Variants in MICAL2 observed in about 807,000 individuals in gnomAD.
The protein encoded by MICAL2 is [F-actin]-monooxygenase MICAL2.
A neutral mutation model predicts 127.3 loss-of-function variants in MICAL2; 77 were observed. The observed-to-expected ratio is 0.60, with a 90% confidence interval of 0.50 to 0.73. MICAL2 has a LOEUF of 0.73. Among genes scored for constraint, MICAL2 ranks in the 30% least tolerant of loss-of-function variants. The pLI is 0.00. For missense variants in MICAL2, 1,351 were observed against 1,434.4 expected, an observed-to-expected ratio of 0.94 and a Z score of 0.94; for synonymous variants, 570 against 551.1, an observed-to-expected ratio of 1.03 and a Z score of -0.48.
intron 8 of MICAL2, among the ~76,000 whole-genome samples, chr11:12,218,487 TG>T (rs1856453028): frequency 6.6e-6 from 1 of 152,204 alleles, no homozygotes. Context: ...CGCCAGGCAC[TG>T]TCTTCACTGT....
In MICAL2 at chr11:12,110,975, C is replaced by T. The variant is rs1418624866; in HGVS notation, c.-149+249C>T. Among the ~76,000 whole-genome samples, 3 of 152,192 alleles carry T rather than the reference C, an allele frequency of 2.0e-5. No homozygotes were observed. Among genetic ancestry groups the T allele is most frequent in the East Asian group, 3.9e-4 (2 of 5,176 alleles). On this transcript the variant is annotated intron_variant, in intron 1 of 27. Coordinates refer to ENST00000683283, the MANE Select transcript of MICAL2 (RefSeq NM_001282663.2). This position sits in a 1 kb window ranked among gnomAD's most constrained non-coding sequence, Gnocchi z 4.5. ...GCAATAAAAGCCTCCCACCGGCACG[C>T]CGAACTACCTCTTACTCCGCTCCGC... is the stretch of plus-strand genomic sequence containing the variant.
intron 3 of MICAL2, among the ~76,000 whole-genome samples, chr11:12,182,095 T>G (rs7124014): frequency 0.031 from 4,663 of 152,330 alleles, 244 homozygotes; most frequent in African/African-American, 0.11. Context: ...ATTATTGAAA[T>G]TATTGTAAGG....
At chr11:12,340,855 A>G (rs1040650920) in intron 32 of MICAL2, among the ~76,000 whole-genome samples, 3 of 152,246 alleles carry the variant, frequency 2.0e-5, no homozygotes, top group Non-Finnish European at 2.9e-5. Flanking sequence ...GAATATACAG[A>G]TTAAAACAAA....
rs188670898 is a variant in MICAL2, at chr11:12,356,131, G to T, written c.5689+1274G>T. Among the ~76,000 whole-genome samples the T allele has an allele frequency of 3.3e-5, 5 of 152,184 alleles. No homozygotes were observed. In the South Asian group the frequency reaches 8.3e-4, roughly 25 times the overall value. The stretch of plus-strand genomic sequence containing the variant: ...CCACCAAAGACTATTTGCCACCTTT[G>T]ATTCTTTTTAAAAAAATTCTTACTA... On this transcript the variant is annotated intron_variant, in intron 34 of 34. Transcript: ENST00000646065.
At chr11:12,335,297 A>T (rs1308592853) in intron 32 of MICAL2, among the ~76,000 whole-genome samples, 1 of 149,786 alleles carries the variant, frequency 6.7e-6, no homozygotes, top group African/African-American at 2.5e-5. Context: ...TTTTGATGGG[A>T]TTGTTTGTTT....
chr11:12,188,824 A>G (rs1858676912), intron 3 of MICAL2, among the ~76,000 whole-genome samples: 1 of 152,220 alleles, frequency 6.6e-6, no homozygotes, highest in African/African-American at 2.4e-5. Context: ...TGAACATAGC[A>G]TACCTGACAC....
At chr11:12,317,804 A>AC (rs930395281) in intron 29 of MICAL2, among the ~76,000 whole-genome samples, 2 of 151,508 alleles carry the variant, frequency 1.3e-5, no homozygotes, top group Non-Finnish European at 2.9e-5. Context: ...AAAAAAAAAA[A>AC]AGTACTAGAA....
chr11:12,124,341 G>A (rs547963457), intron 1 of MICAL2, among the ~76,000 whole-genome samples: 1 of 152,268 alleles, frequency 6.6e-6, no homozygotes, highest in South Asian at 2.1e-4. Context: ...AGTGATTGAA[G>A]CCGCCCCTAG....
intron 3 of MICAL2, among the ~76,000 whole-genome samples, chr11:12,200,415 T>G (rs552253069): frequency 4.1e-4 from 63 of 152,330 alleles, no homozygotes; most frequent in Admixed American, 1.3e-3. Flanking sequence ...GCTTCTACAG[T>G]GGGCATGCTG....
At chr11:12,160,419 C>T (rs1436848907) in intron 2 of MICAL2, among the ~76,000 whole-genome samples, 1 of 152,258 alleles carries the variant, frequency 6.6e-6, no homozygotes, top group East Asian at 1.9e-4. Context: ...TGCTCCTCAC[C>T]ACCCACTGGA....
intron 1 of MICAL2, among the ~76,000 whole-genome samples, chr11:12,127,690 G>A (rs951985513): frequency 2.0e-5 from 3 of 152,238 alleles, no homozygotes; most frequent in Non-Finnish European, 4.4e-5. Context: ...TCTTCGACCT[G>A]TTGGGGGTCT....
At chr11:12,291,054 G>A (rs1336331736), downstream of MICAL2, among the ~76,000 whole-genome samples, 2 of 152,162 alleles carry the variant, frequency 1.3e-5, no homozygotes, top group Admixed American at 6.5e-5. Context: ...GAATGGGTCC[G>A]CTGAGTGGCC....
chr11:12,189,293 G>GT (rs1352287915), intron 3 of MICAL2, among the ~76,000 whole-genome samples: 24 of 151,826 alleles, frequency 1.6e-4, no homozygotes, highest in Non-Finnish European at 2.6e-4. Flanking sequence ...GAACCTTGAT[G>GT]TTTTTTTTGT....
chr11:12,294,991 C>CA (rs1428018949), downstream of MICAL2: 1 of 1,275,038 alleles, frequency 7.8e-7, no homozygotes, highest in African/African-American at 1.5e-5. Flanking sequence ...ACTTTAAAGG[C>CA]AAAAAATTTG....
chr11:12,244,573 T>C (rs1194423573), intron 21 of MICAL2, among the ~76,000 whole-genome samples: 1 of 152,226 alleles, frequency 6.6e-6, no homozygotes, highest in Non-Finnish European at 1.5e-5. Flanking sequence ...TCATTCATTC[T>C]ATAAGAGGTT....
At chr11:12,180,349 A>ATT (rs72520147) in intron 3 of MICAL2, among the ~76,000 whole-genome samples, 17 of 139,712 alleles carry the variant, frequency 1.2e-4, no homozygotes, top group African/African-American at 4.5e-4. Context: ...ATATGTATAT[A>ATT]TTTTTTTTTT....
intron 7 of MICAL2, among the ~76,000 whole-genome samples, chr11:12,215,983 G>A (rs1413695803): frequency 1.3e-5 from 2 of 152,176 alleles, no homozygotes; most frequent in Non-Finnish European, 2.9e-5. Flanking sequence ...CCCTACAGAC[G>A]TTGTGAGTTT....
chr11:12,162,913 GGC>G (rs1855001161), intron 3 of MICAL2, among the ~76,000 whole-genome samples: 2 of 152,186 alleles, frequency 1.3e-5, no homozygotes, highest in Non-Finnish European at 2.9e-5. Context: ...CTCAGGGAGA[GGC>G]ATAGTTACAG....
chr11:12,129,187 T>C (rs1041889878), intron 1 of MICAL2, among the ~76,000 whole-genome samples: 1 of 152,172 alleles, frequency 6.6e-6, no homozygotes, highest in South Asian at 2.1e-4. Context: ...AAGCTGTCAA[T>C]AGAGACTTGG....
Sources: allele counts gnomAD v4.1 joint callset (sites outside exome capture counted in the v4.1 genomes callset), GRCh38; gene constraint gnomAD v4.1.1; non-coding constraint Gnocchi (gnomAD v3.1); transcripts MANE v1.5; gene names NCBI Gene and HGNC (gene_info 2026-07-23, HGNC 2026-07-21).